Variants in KCNIP1 observed in about 807,000 individuals in gnomAD.
The protein encoded by KCNIP1 is potassium voltage-gated channel interacting protein 1, also known as A-type potassium channel modulatory protein KCNIP1.
KCNIP1 carries 18 observed loss-of-function variants against 33.0 expected under a neutral mutation model. The observed-to-expected ratio is 0.55, with a 90% CI of 0.38 to 0.81. The LOEUF (loss-of-function observed/expected upper bound fraction) is 0.81, where lower values mean the gene tolerates loss of function less well. Ranked by LOEUF, KCNIP1 falls within the 30% of genes least tolerant of loss-of-function variation. The pLI is 0.00. For missense variants in KCNIP1, 238 were observed against 271.6 expected, an observed-to-expected ratio of 0.88 and a Z score of 0.87; for synonymous variants, 93 against 98.3, an observed-to-expected ratio of 0.95 and a Z score of 0.32.
chr5:170,618,545 A>G (rs1396328236), intron 1 of KCNIP1, among the ~76,000 whole-genome samples: 3 of 46,098 alleles, frequency 6.5e-5, no homozygotes, highest in Non-Finnish European at 1.2e-4. Context: ...GAAAGGAGGG[A>G]GGAGGGAGGG....
chr5:170,700,965 A>G (rs1763077056), intron 1 of KCNIP1, among the ~76,000 whole-genome samples: 3 of 152,200 alleles, frequency 2.0e-5, no homozygotes, highest in Non-Finnish European at 4.4e-5. Context: ...TAAACACAAC[A>G]ACAAAACACT....
intron 3 of KCNIP1, among the ~76,000 whole-genome samples, chr5:170,721,330 C>A (rs1763813906): frequency 6.6e-6 from 1 of 152,152 alleles, no homozygotes; most frequent in Non-Finnish European, 1.5e-5. Flanking sequence ...CCAGGCACAG[C>A]TGTAGTTTAA....
intron 1 of KCNIP1, among the ~76,000 whole-genome samples, chr5:170,480,068 C>G (rs901411185): frequency 6.6e-5 from 10 of 152,168 alleles, no homozygotes; most frequent in Non-Finnish European, 1.3e-4. Flanking sequence ...GCACACAAAA[C>G]GTCATACTGA....
intron 1 of KCNIP1, among the ~76,000 whole-genome samples, chr5:170,435,442 G>A (rs775660183): frequency 5.9e-5 from 9 of 152,196 alleles, no homozygotes; most frequent in African/African-American, 4.8e-5. Context: ...TGCAGACAGC[G>A]CACCCCCAAC....
chr5:170,712,740 T>A lies in KCNIP1; in HGVS notation c.62-6018T>A, dbSNP rs995390609. 2.0e-5 allele frequency: 19 copies of A among 952,838 alleles called. No homozygotes were observed. In the East Asian group the frequency reaches 4.6e-4, roughly 23 times the overall value. 59.0% of individuals were successfully genotyped at this position (952,838 alleles called of 1,614,324 possible). ...CTGCTACTGAGAGGCTCTTCGCATA[T>A]GTCAAGCTGGACGACGTGGACACCC... On this transcript the variant is annotated intron_variant, in intron 1 of 7. Coordinates refer to ENST00000328939, the MANE Select transcript of KCNIP1 (RefSeq NM_014592.4).
intron 1 of KCNIP1, chr5:170,669,570 CA>C (rs1388893057): frequency 1.0e-6 from 1 of 985,104 alleles, no homozygotes; most frequent in Non-Finnish European, 1.2e-6. Flanking sequence ...CTTCCAGCAG[CA>C]GGGGATGGAG....
chr5:170,600,462 C>T (rs1361998552), intron 1 of KCNIP1, among the ~76,000 whole-genome samples: 1 of 152,048 alleles, frequency 6.6e-6, no homozygotes, highest in African/African-American at 2.4e-5. Flanking sequence ...TCTTGGGAGC[C>T]TTTTTTGGTG....
chr5:170,505,009 G>T (rs370113933), intron 1 of KCNIP1, among the ~76,000 whole-genome samples: 2 of 152,194 alleles, frequency 1.3e-5, no homozygotes, highest in Non-Finnish European at 2.9e-5. Context: ...CACTCAGTGA[G>T]GGTGCTGCCA....
intron 1 of KCNIP1, among the ~76,000 whole-genome samples, chr5:170,690,769 T>A (rs995807244): frequency 6.6e-6 from 1 of 152,236 alleles, no homozygotes; most frequent in Non-Finnish European, 1.5e-5. Context: ...TGTTTCCAGA[T>A]GGTGATCTGC....
chr5:170,441,920 C>G (rs1237318959), intron 1 of KCNIP1, among the ~76,000 whole-genome samples: 1 of 145,978 alleles, frequency 6.9e-6, no homozygotes, highest in East Asian at 2.0e-4. Flanking sequence ...CCACTGCACT[C>G]CAGCCTGGGT....
intron 1 of KCNIP1, among the ~76,000 whole-genome samples, chr5:170,365,411 A>G (rs889479346): frequency 1.3e-5 from 2 of 152,322 alleles, no homozygotes; most frequent in East Asian, 3.9e-4. Context: ...GTTAATTAAG[A>G]TAGTCATCTG....
At chr5:170,611,070 C>G (rs1385862672) in intron 1 of KCNIP1, among the ~76,000 whole-genome samples, 4 of 152,218 alleles carry the variant, frequency 2.6e-5, no homozygotes, top group Non-Finnish European at 5.9e-5. Flanking sequence ...GGATTTGATT[C>G]CAGGCCTTCT....
At chr5:170,731,276 G>T (rs1465290635) in intron 5 of KCNIP1, among the ~76,000 whole-genome samples, 1 of 152,162 alleles carries the variant, frequency 6.6e-6, no homozygotes, top group Admixed American at 6.5e-5. Flanking sequence ...CACTTCTGTG[G>T]TATTCTTGCC....
At chr5:170,453,762 T>G (rs1756310158) in intron 1 of KCNIP1, among the ~76,000 whole-genome samples, 1 of 152,146 alleles carries the variant, frequency 6.6e-6, no homozygotes, top group African/African-American at 2.4e-5. Context: ...TATGTAACCA[T>G]GATGAAGACT....
intron 1 of KCNIP1, among the ~76,000 whole-genome samples, chr5:170,565,918 G>C (rs1279454782): frequency 1.3e-5 from 2 of 152,180 alleles, no homozygotes; most frequent in Non-Finnish European, 2.9e-5. Context: ...GACAAAAATG[G>C]ACAAATGCAG....
intron 1 of KCNIP1, among the ~76,000 whole-genome samples, chr5:170,576,916 T>C (rs1463873178): frequency 6.6e-6 from 1 of 152,206 alleles, no homozygotes; most frequent in African/African-American, 2.4e-5. Flanking sequence ...TATTCAAGCA[T>C]TGCTGGTCGA....
chr5:170,572,087 C>G (rs768474613), intron 1 of KCNIP1, among the ~76,000 whole-genome samples: 2 of 152,038 alleles, frequency 1.3e-5, no homozygotes, highest in African/African-American at 4.8e-5. Context: ...GGAGGTGCAC[C>G]GAGCCTGTCT....
intron 1 of KCNIP1, among the ~76,000 whole-genome samples, chr5:170,483,558 G>A (rs1044704102): frequency 2.6e-5 from 4 of 152,148 alleles, no homozygotes; most frequent in South Asian, 2.1e-4. Context: ...GTGTGGGGCC[G>A]CAAGGTTCCA....
intron 1 of KCNIP1, among the ~76,000 whole-genome samples, chr5:170,495,415 A>T (rs1039622604): frequency 6.6e-5 from 10 of 152,156 alleles, no homozygotes; most frequent in African/African-American, 2.4e-5. Flanking sequence ...CCTGAAAAAG[A>T]CACACAAGTC....
Sources: gnomAD v4.1 joint callset for allele counts (sites outside exome capture counted in the v4.1 genomes callset) on GRCh38, gnomAD v4.1.1 for gene constraint, MANE v1.5 for transcripts, NCBI Gene and HGNC (gene_info 2026-07-23, HGNC 2026-07-21) for gene names.